The following SAG variants were observed in gnomAD, a reference collection of about 807,000 sequenced individuals.
SAG encodes the protein S-antigen visual arrestin.
SAG carries 45 observed loss-of-function variants against 55.0 expected under a neutral mutation model. The ratio of observed to expected loss-of-function variants is 0.82; its 90% confidence interval spans 0.64 to 1.05. The LOEUF is 1.05. SAG is among the 50% of genes least tolerant of loss of function. The pLI, the probability that SAG is intolerant of heterozygous loss-of-function variation, is 0.00. For missense variants in SAG, 455 were observed against 512.1 expected (o/e 0.89, Z 1.08); for synonymous variants, 189 against 197.4 (o/e 0.96, Z 0.36).
intron 15 of SAG, among the ~76,000 whole-genome samples, 185 bp from the exon 16 acceptor site, chr2:233,346,619 TTTG>T (rs1242514395): frequency 2.6e-5 from 4 of 152,234 alleles, no homozygotes; most frequent in African/African-American, 9.6e-5. Flanking sequence ...TGCGCGTGCC[TTTG>T]TTTTCTCCCA....
intron 3 of SAG, among the ~76,000 whole-genome samples, chr2:233,316,572 A>G (rs1290822188): frequency 2.0e-5 from 3 of 152,134 alleles, no homozygotes; most frequent in Non-Finnish European, 4.4e-5. Context: ...CGGCCTCCCA[A>G]AGTGCTGGGA....
chr2:233,322,319 AGG>A (rs1700414344), intron 5 of SAG, among the ~76,000 whole-genome samples: 1 of 152,158 alleles, frequency 6.6e-6, no homozygotes, highest in Admixed American at 6.6e-5. Context: ...TAGCCAGCAA[AGG>A]GGACTGGCTA....
intron 8 of SAG, 138 bp from the exon 9 acceptor site, chr2:233,329,355 A>T: frequency 1.5e-6 from 1 of 657,360 alleles, no homozygotes; most frequent in Non-Finnish European, 2.7e-6. Context: ...GAAGAAATGT[A>T]TTGCTATCAC....
intron 3 of SAG, among the ~76,000 whole-genome samples, chr2:233,317,088 C>A (rs1015334778): frequency 6.6e-6 from 1 of 152,182 alleles, no homozygotes; most frequent in Non-Finnish European, 1.5e-5. Flanking sequence ...TCTTGAACTC[C>A]TGAGCTCAAG....
rs1281834521 is a variant in SAG, at chr2:233,323,002, G to T, written c.432G>T (p.Gly144=). ...VMLQPAPQDS[G]KSCGVDFEVK... Reference sequence around the variant, plus strand: ...TGCAGCCAGCTCCACAAGATTCAGGGAAGGTTAGTTCAAGAAGAAATGCCA... The same window carrying T: ...TGCAGCCAGCTCCACAAGATTCAGGTAAGGTTAGTTCAAGAAGAAATGCCA... The change falls in exon 6 of 16, where the codon GGG becomes GGT. Residue 144 remains glycine, a synonymous_variant. Coordinates refer to ENST00000409110, the MANE Select transcript of SAG (RefSeq NM_000541.5). The T allele has an allele frequency of 4.5e-6, 7 of 1,562,814 alleles. No homozygotes were observed. The highest frequency in any genetic ancestry group is 1.4e-5 in the African/African-American group (1 of 73,808).
At chr2:233,346,201 GA>G (rs2125356401) in intron 14 of SAG, 1 of 383,378 alleles carries the variant, frequency 2.6e-6, no homozygotes, top group East Asian at 4.0e-5. Flanking sequence ...AATGCAAGGA[GA>G]AAAGCTGTTC....
At chr2:233,326,058 G>A (rs1377177196) in intron 6 of SAG, among the ~76,000 whole-genome samples, 1 of 152,094 alleles carries the variant, frequency 6.6e-6, no homozygotes, top group Non-Finnish European at 1.5e-5. Flanking sequence ...TCCCCTCCAG[G>A]CAGTGGTGGA....
At chr2:233,332,359 A>G (rs1238500905) in intron 10 of SAG, 3 of 153,258 alleles carry the variant, frequency 2.0e-5, no homozygotes, top group Admixed American at 1.3e-4. Context: ...GGATAGCTCG[A>G]CCAGGTCTTA....
chr2:233,327,709 AT>A (rs545942716), intron 7 of SAG: 208 of 144,968 alleles, frequency 1.4e-3, no homozygotes, highest in Middle Eastern at 3.7e-3. Context: ...CGCCTGGCTA[AT>A]TTTTTTTTTT....
At position 233,319,504 on chromosome 2, in the gene SAG, G is replaced by T. The variant is rs1700316061; in HGVS notation, c.181+709G>T. On this transcript the variant is annotated intron_variant, in intron 4 of 15. Coordinates refer to ENST00000409110, the MANE Select transcript of SAG (RefSeq NM_000541.5). The surrounding 1 kb of genome is among the most constrained non-coding windows in gnomAD (Gnocchi z 4.4). ...AGTTCCATTCTAAATATGCCTTTTT[G>T]AGTGTTGCTACTGGCAACATCAAGG... is the stretch of plus-strand genomic sequence containing the variant. The T allele has an allele frequency of 5.2e-6, 4 of 767,288 alleles. No homozygotes were observed. Among genetic ancestry groups the T allele is most frequent in the African/African-American group, 1.9e-5 (1 of 52,200 alleles). The allele number at this position is 767,288 out of a possible 1,614,324, so 47.5% of individuals were successfully genotyped here.
chr2:233,340,520 A>C lies in SAG; in HGVS notation c.1046+42A>C, dbSNP rs113048686. On this transcript the variant is annotated intron_variant, in intron 13 of 15. Transcript: ENST00000409110. The surrounding 1 kb of genome is among the most constrained non-coding windows in gnomAD (Gnocchi z 4.2). ...TCCTTGTTTGATTGTTTCTCAAGAT[A>C]TCAAAGGCAGCAAACTTGGGGCTCC... The C allele has an allele frequency of 6.4e-7, 1 of 1,561,132 alleles. No homozygotes were observed. The highest frequency in any genetic ancestry group is 1.4e-5 in the African/African-American group (1 of 74,070).
intron 8 of SAG, 96 bp from the exon 9 acceptor site, chr2:233,329,397 C>A: frequency 1.3e-6 from 1 of 757,320 alleles, no homozygotes; most frequent in Non-Finnish European, 2.3e-6. Flanking sequence ...CGCTTTTATT[C>A]CAGTGAAAGG....
intron 7 of SAG, chr2:233,327,936 C>T (rs1178381832): frequency 6.5e-6 from 1 of 152,850 alleles, no homozygotes; most frequent in African/African-American, 2.4e-5. Context: ...ATACCCAAAA[C>T]TTTCCCATTG....
At chr2:233,314,463 A>G (rs1700164373) in intron 2 of SAG, among the ~76,000 whole-genome samples, 1 of 152,180 alleles carries the variant, frequency 6.6e-6, no homozygotes, top group South Asian at 2.1e-4. Context: ...CAGAAGCCAG[A>G]AGACCAGGGA....
intron 13 of SAG, among the ~76,000 whole-genome samples, 168 bp from the exon 14 acceptor site, chr2:233,342,103 G>A (rs1178650471): frequency 6.2e-5 from 9 of 144,070 alleles, no homozygotes; most frequent in South Asian, 2.2e-4. Flanking sequence ...CAGCCTGGGC[G>A]ACAGAGCGAG....
Position 233,325,096 on chromosome 2 carries a change from C to T in SAG, c.436-2025C>T, listed in dbSNP as rs540999029. ...GAAAAATTAGCCAGGCATGGTGGCG[C>T]GTGCCTGTAATCCCAGCCAATTGCT... On this transcript the variant is annotated intron_variant, in intron 6 of 15. Transcript: ENST00000409110. Among the ~76,000 whole-genome samples the T allele has an allele frequency of 6.8e-4, 103 of 151,776 alleles. No homozygotes were observed. The Middle Eastern group carries it at 0.014, about 20-fold the overall frequency.
In SAG at chr2:233,340,438, T is replaced by G; in HGVS notation, c.1023-17T>G. The G allele has an allele frequency of 6.2e-7, 1 of 1,609,252 alleles. No individual in the cohort carries two copies. The highest frequency in any genetic ancestry group is 8.5e-7 in the Non-Finnish European group (1 of 1,177,116). On this transcript the variant is annotated splice_polypyrimidine_tract_variant and intron_variant, in intron 12 of 15. Coordinates refer to ENST00000409110, the MANE Select transcript of SAG (RefSeq NM_000541.5). The surrounding 1 kb of genome is among the most constrained non-coding windows in gnomAD (Gnocchi z 4.2). The stretch of plus-strand genomic sequence containing the variant: ...CACTGTGACAGTTAACGACAGGCGT[T>G]TGTTTGTGTTTTCTAGCTTTCTGGG...
intron 14 of SAG, 35 bp from the exon 15 acceptor site, chr2:233,346,368 C>T: frequency 6.2e-7 from 1 of 1,610,862 alleles, no homozygotes; most frequent in African/African-American, 1.3e-5. Flanking sequence ...CTCTCTCTCC[C>T]TCTTCCCTGC....
Position 233,331,630 on chromosome 2 carries a change from C to T in SAG, c.734-10C>T. On this transcript the variant is annotated splice_polypyrimidine_tract_variant and intron_variant, in intron 9 of 15. Transcript: ENST00000409110. ...GTGCTGACCACCGGACTCCCGTCTT[C>T]CCCTTGCAGTGGAACAGGTGGCCAA... 6.2e-7 allele frequency: 1 copy of T among 1,607,718 alleles called. No homozygotes were observed. Among genetic ancestry groups the T allele is most frequent in the Non-Finnish European group, 8.5e-7 (1 of 1,174,360 alleles).
Sources: allele counts gnomAD v4.1 joint callset (sites outside exome capture counted in the v4.1 genomes callset), GRCh38; gene constraint gnomAD v4.1.1; non-coding constraint Gnocchi (gnomAD v3.1); transcripts MANE v1.5; gene names NCBI Gene and HGNC (gene_info 2026-07-23, HGNC 2026-07-21).